Variants in NRXN1 observed in about 807,000 individuals in gnomAD.
The protein encoded by NRXN1 is neurexin 1.
Under a neutral mutation model 150.9 loss-of-function variants are expected in NRXN1, and 39 were observed. The observed-to-expected ratio is 0.26, with a 90% confidence interval of 0.20 to 0.34. The LOEUF (loss-of-function observed/expected upper bound fraction) is 0.34, where lower values mean the gene tolerates loss of function less well. Among genes scored for constraint, NRXN1 ranks in the 10% least tolerant of loss-of-function variants. NRXN1 has a pLI of 1.00. For missense variants in NRXN1, 1,815 were observed against 1,949.9 expected (o/e 0.93, Z 1.30); for synonymous variants, 924 against 757.0 (o/e 1.22, Z -3.62).
intron 17 of NRXN1, among the ~76,000 whole-genome samples, chr2:50,295,678 G>C (rs2073475753): frequency 6.6e-6 from 1 of 152,048 alleles, no homozygotes; most frequent in South Asian, 2.1e-4. Flanking sequence ...CCAGTCTTTT[G>C]GGACATTTGC....
Position 49,947,150 on chromosome 2 carries a change from G to A in NRXN1, c.4129-3359C>T, listed in dbSNP as rs767354566. Among the ~76,000 whole-genome samples the A allele has an allele frequency of 3.9e-5, 6 of 151,996 alleles. 1 individual carries two copies. Among genetic ancestry groups the A allele is most frequent in the East Asian group, 1.9e-4 (1 of 5,180 alleles). On this transcript the variant is annotated intron_variant, in intron 21 of 22. Transcript: ENST00000401669. Reference sequence around the variant, plus strand: ...TTTTCCCCCCGGACCAACATCTAGCGGAAAGCTACTTTTATTCTCAATTTC... The same window carrying A: ...TTTTCCCCCCGGACCAACATCTAGCAGAAAGCTACTTTTATTCTCAATTTC...
chr2:50,637,104 T>C (rs527851271), intron 5 of NRXN1, among the ~76,000 whole-genome samples: 17 of 152,264 alleles, frequency 1.1e-4, no homozygotes, highest in Non-Finnish European at 2.2e-4. Context: ...GAGCAGTAAA[T>C]GTAGCTGAGT....
intron 17 of NRXN1, among the ~76,000 whole-genome samples, chr2:50,374,867 C>T (rs1572729311): frequency 6.6e-6 from 1 of 152,260 alleles, no homozygotes; most frequent in South Asian, 2.1e-4. Flanking sequence ...TTGAGTTTCA[C>T]AGCCTTCCTT....
intron 5 of NRXN1, among the ~76,000 whole-genome samples, chr2:50,750,489 G>A (rs1700476530): frequency 6.6e-6 from 1 of 151,914 alleles, no homozygotes; most frequent in Admixed American, 6.6e-5. Context: ...AGAACCTAAT[G>A]CAAATGATGA....
intron 17 of NRXN1, among the ~76,000 whole-genome samples, chr2:50,272,522 A>G (rs2069833035): frequency 6.6e-6 from 1 of 152,212 alleles, no homozygotes; most frequent in Non-Finnish European, 1.5e-5. Flanking sequence ...AAATATTGAG[A>G]ATCTAGTTTC....
intron 17 of NRXN1, among the ~76,000 whole-genome samples, chr2:50,342,144 T>G (rs2077593789): frequency 6.6e-6 from 1 of 152,212 alleles, no homozygotes; most frequent in Admixed American, 6.5e-5. Flanking sequence ...TAGGAATTTA[T>G]GATATATTTA....
At chr2:50,035,389 A>G (rs1383560532) in intron 21 of NRXN1, among the ~76,000 whole-genome samples, 1 of 152,106 alleles carries the variant, frequency 6.6e-6, no homozygotes, top group Non-Finnish European at 1.5e-5. Context: ...GTGTCTTAAA[A>G]TGTTTTTAGA....
chr2:50,962,692 G>T (rs1693406012), intron 2 of NRXN1, among the ~76,000 whole-genome samples: 1 of 151,466 alleles, frequency 6.6e-6, no homozygotes. Context: ...GCTATAAATT[G>T]CCTTTAGTTT....
Position 50,260,974 on chromosome 2 carries a change from C to T in NRXN1, c.3365-24004G>A, listed in dbSNP as rs149291665. On this transcript the variant is annotated intron_variant, in intron 17 of 22. Transcript: ENST00000401669. ...ATATGGTTAATGAATTTTGTACAGT[C>T]TTCCTTCTTTTCAATTGAAAAAGAA... Among the ~76,000 whole-genome samples, 717 of 151,744 alleles carry T rather than the reference C, an allele frequency of 4.7e-3. 6 individuals carry two copies. Among genetic ancestry groups the T allele is most frequent in the African/African-American group, 0.016 (677 of 41,462 alleles).
At chr2:50,706,040 C>G (rs1196673966) in intron 5 of NRXN1, among the ~76,000 whole-genome samples, 1 of 152,148 alleles carries the variant, frequency 6.6e-6, no homozygotes, top group Non-Finnish European at 1.5e-5. Context: ...TTCACAAACT[C>G]TGCCATGGAT....
At chr2:50,653,673 T>C (rs1381524683) in intron 5 of NRXN1, among the ~76,000 whole-genome samples, 1 of 152,074 alleles carries the variant, frequency 6.6e-6, no homozygotes, top group Non-Finnish European at 1.5e-5. Flanking sequence ...AAATGTACCT[T>C]GATTTAATGC....
intron 21 of NRXN1, among the ~76,000 whole-genome samples, chr2:49,980,804 C>G (rs60267441): frequency 0.48 from 72,096 of 151,780 alleles, 17,838 homozygotes; most frequent in Middle Eastern, 0.63. Context: ...AATTTATTTT[C>G]AGAGGGGTTT....
intron 5 of NRXN1, among the ~76,000 whole-genome samples, chr2:50,784,878 C>T (rs944496392): frequency 3.3e-5 from 5 of 151,972 alleles, no homozygotes; most frequent in South Asian, 2.1e-4. Context: ...TCTCCAGGGG[C>T]GTCTGAAAGG....
chr2:50,089,931 C>T (rs1699340634), intron 19 of NRXN1, among the ~76,000 whole-genome samples: 1 of 152,192 alleles, frequency 6.6e-6, no homozygotes. Context: ...TTCAAATCTT[C>T]CATTACTTCA....
chr2:50,255,071 G>A (rs1024502789), intron 17 of NRXN1, among the ~76,000 whole-genome samples: 1 of 152,098 alleles, frequency 6.6e-6, no homozygotes, highest in Non-Finnish European at 1.5e-5. Context: ...GCCTACGAAA[G>A]TGCTGGTATT....
intron 2 of NRXN1, among the ~76,000 whole-genome samples, chr2:50,977,499 G>C (rs1054593717): frequency 6.6e-6 from 1 of 151,880 alleles, no homozygotes; most frequent in African/African-American, 2.4e-5. Context: ...GTAAGAAGAA[G>C]TATGAAATTA....
intron 17 of NRXN1, among the ~76,000 whole-genome samples, chr2:50,446,958 C>G (rs1034228121): frequency 1.3e-5 from 2 of 152,030 alleles, no homozygotes; most frequent in Non-Finnish European, 2.9e-5. Context: ...TATTATAATA[C>G]CATGCAATTC....
At chr2:50,137,805 A>C (rs1263061640) in intron 18 of NRXN1, among the ~76,000 whole-genome samples, 2 of 152,218 alleles carry the variant, frequency 1.3e-5, no homozygotes, top group Non-Finnish European at 2.9e-5. Flanking sequence ...TGTTTTAAAA[A>C]GAAAAAAATA....
chr2:49,935,297 T>C (rs1255361634), intron 22 of NRXN1, among the ~76,000 whole-genome samples: 6 of 152,182 alleles, frequency 3.9e-5, no homozygotes, highest in South Asian at 4.1e-4. Context: ...AACACAGGCA[T>C]TGGGATTTCT....
Sources: allele counts gnomAD v4.1 joint callset (sites outside exome capture counted in the v4.1 genomes callset), GRCh38; gene constraint gnomAD v4.1.1; transcripts MANE v1.5; gene names NCBI Gene and HGNC (gene_info 2026-07-23, HGNC 2026-07-21).